Variants in APBA2 observed in about 807,000 individuals in gnomAD.
APBA2 encodes the protein amyloid-beta A4 precursor protein-binding family A member 2.
APBA2 carries 30 observed loss-of-function variants against 75.0 expected under a neutral mutation model. The observed-to-expected ratio is 0.40, with a 90% CI of 0.30 to 0.54. The LOEUF (loss-of-function observed/expected upper bound fraction) is 0.54, where lower values mean the gene tolerates loss of function less well. Among genes scored for constraint, APBA2 ranks in the 20% least tolerant of loss-of-function variants. The probability of loss-of-function intolerance (pLI) is 0.49; values close to 1 mark genes in which losing one functional copy is unlikely to be tolerated. For synonymous variants in APBA2, 444 were observed against 409.6 expected, an observed-to-expected ratio of 1.08 and a Z score of -1.01; for missense variants, 801 against 1,016.1, an observed-to-expected ratio of 0.79 and a Z score of 2.88.
intron 2 of APBA2, among the ~76,000 whole-genome samples, chr15:28,953,869 C>G (rs1359319745): frequency 6.6e-6 from 1 of 152,200 alleles, no homozygotes; most frequent in Non-Finnish European, 1.5e-5. Context: ...TGACCTCATT[C>G]CGACTTGTGG....
chr15:28,939,362 G>A (rs779195110), intron 2 of APBA2, among the ~76,000 whole-genome samples: 11 of 152,044 alleles, frequency 7.2e-5, no homozygotes, highest in South Asian at 2.1e-4. Context: ...CAGTTCTTTT[G>A]GGATATACCC....
At chr15:29,089,480 ACCT>A (rs1298433186) in intron 6 of APBA2, among the ~76,000 whole-genome samples, 1 of 151,986 alleles carries the variant, frequency 6.6e-6, no homozygotes, top group Admixed American at 6.6e-5. Context: ...CCACCCAGCC[ACCT>A]CCTCCCAGAC....
rs1012950085 is a variant in APBA2, at chr15:29,037,020, C to CA, written c.-40-16814dup. On this transcript the variant is annotated intron_variant, in intron 3 of 14. Coordinates refer to ENST00000683413, the MANE Select transcript of APBA2 (RefSeq NM_001353788.2). ...GGATAACAGAGAGAGACCCTGTCTC[C>CA]AAAAAAAAAAAGAGAAAGTTTTGCA... 4.0e-3 allele frequency among the ~76,000 whole-genome samples: 512 copies of CA among 128,488 alleles called. 1 individual carries two copies. The highest frequency in any genetic ancestry group is 9.0e-3 in the African/African-American group (330 of 36,474). 84.3% of individuals were successfully genotyped at this position (128,488 alleles called of 152,430 possible).
rs1186106839 is a variant in APBA2 at position 29,113,738 on chromosome 15, CTG to C, written c.2038-135_2038-134del. 7 of 1,073,960 alleles carry C rather than the reference CTG, an allele frequency of 6.5e-6. No individual in the cohort carries two copies. In the African/African-American group the frequency reaches 1.1e-4, roughly 17 times the overall value. The allele number at this position is 1,073,960 out of a possible 1,614,324, so 66.5% of individuals were successfully genotyped here. A position where few individuals can be genotyped will look rare whatever the true frequency, so the allele number is the denominator to read the frequency against. Reference sequence around the variant, plus strand: ...TACTGCATATCATAAGGATCTCTGTCTGTGAGTCAGCGAATTGCACGTGCACG... The same window carrying C: ...TACTGCATATCATAAGGATCTCTGTCTGAGTCAGCGAATTGCACGTGCACG... On this transcript the variant is annotated intron_variant, in intron 13 of 14. Coordinates refer to ENST00000683413, the MANE Select transcript of APBA2 (RefSeq NM_001353788.2).
At chr15:29,001,967 G>A (rs931144473) in intron 3 of APBA2, among the ~76,000 whole-genome samples, 16 of 152,156 alleles carry the variant, frequency 1.1e-4, no homozygotes, top group African/African-American at 3.9e-4. Context: ...AATGACATTA[G>A]TGTGCAAGCT....
At chr15:29,074,793 A>G in intron 4 of APBA2, 128 bp from the exon 5 acceptor site, 1 of 753,490 alleles carries the variant, frequency 1.3e-6, no homozygotes, top group East Asian at 2.7e-5. Context: ...AGACGTCTGC[A>G]CACACACCTA....
In APBA2 at chr15:29,105,517, G is replaced by C. The variant is rs755334764; in HGVS notation, c.1663G>C (p.Asp555His). The C allele has an allele frequency of 6.2e-7, 1 of 1,613,742 alleles. No homozygotes were observed. The highest frequency in any genetic ancestry group is 8.5e-7 in the Non-Finnish European group (1 of 1,180,020). Residue 555 changes from aspartate (D) to histidine (H), a missense_variant, in exon 11 of 15, where the codon GAC becomes CAC. Physicochemically the swap from Asp to His is moderately conservative, Grantham distance 81. This residue lies in a region of APBA2 where 367 missense variants were observed against 544.5 expected (regional missense o/e 0.67). Transcript: ENST00000683413. ...CATCAACACCCAGGAGATGTACAAC[G>C]ACGACCTCATCCACTTCTCAAACTC... Reference protein sequence around the residue: ...DIINTQEMYNDDLIHFSNSEN... With the variant: ...DIINTQEMYNHDLIHFSNSEN...
At chr15:29,085,646 T>C (rs2043260471) in intron 6 of APBA2, among the ~76,000 whole-genome samples, 1 of 152,176 alleles carries the variant, frequency 6.6e-6, no homozygotes, top group Admixed American at 6.5e-5. Context: ...CCATGATTAT[T>C]GGTGCTCAAG....
rs146133169 is a variant in APBA2 at position 28,931,216 on chromosome 15, C to T, written c.-95+9467C>T. ...AGCATCTGTTGATGTGGGATGCAGG[C>T]GTGCTTGTCACCTCTCCTGGCCCTC... On this transcript the variant is annotated intron_variant, in intron 2 of 14. Transcript: ENST00000683413. Among the ~76,000 whole-genome samples the T allele has an allele frequency of 2.2e-3, 329 of 152,302 alleles. 9 individuals carry two copies. The East Asian group carries it at 0.049, about 23-fold the overall frequency.
chr15:28,931,277 C>T (rs552034472), intron 2 of APBA2, among the ~76,000 whole-genome samples: 14 of 152,310 alleles, frequency 9.2e-5, no homozygotes, highest in African/African-American at 3.1e-4. Context: ...CATCTCATCC[C>T]GCTGCTGGTG....
rs1278672540 is a variant in APBA2, at chr15:28,886,142, A to G, written c.-341A>G. 1.3e-5 allele frequency: 2 copies of G among 150,388 alleles called. No homozygotes were observed. The highest frequency in any genetic ancestry group is 1.5e-5 in the Non-Finnish European group (1 of 67,470). 9.3% of individuals were successfully genotyped at this position (150,388 alleles called of 1,614,324 possible). ...CGCGCCCGCCGCTATTCGGGAAGCTATTCAGCTTCCCGGGCTCATTAGCAG... is the reference window on the plus strand; with the variant it reads ...CGCGCCCGCCGCTATTCGGGAAGCTGTTCAGCTTCCCGGGCTCATTAGCAG... On this transcript the variant is annotated 5_prime_UTR_variant, in exon 1 of 15. Coordinates refer to ENST00000683413, the MANE Select transcript of APBA2 (RefSeq NM_001353788.2).
At chr15:29,010,920 T>C (rs1210097216) in intron 3 of APBA2, among the ~76,000 whole-genome samples, 1 of 152,192 alleles carries the variant, frequency 6.6e-6, no homozygotes, top group East Asian at 1.9e-4. Context: ...TTCGGTAGTG[T>C]TAAGTAAATT....
chr15:29,038,274 C>T (rs2040846561), intron 3 of APBA2, among the ~76,000 whole-genome samples: 3 of 152,218 alleles, frequency 2.0e-5, no homozygotes, highest in South Asian at 4.1e-4. Context: ...CGTCCCTCCA[C>T]AGCACCTGGG....
At chr15:29,024,263 G>A (rs8031475) in intron 3 of APBA2, among the ~76,000 whole-genome samples, 54,785 of 152,094 alleles carry the variant, frequency 0.36, 15,985 homozygotes, top group African/African-American at 0.78. Context: ...AGTTCAGCGT[G>A]CACTTTAAAA....
intron 3 of APBA2, among the ~76,000 whole-genome samples, chr15:29,043,540 C>T (rs901596728): frequency 5.3e-5 from 8 of 152,230 alleles, no homozygotes; most frequent in Non-Finnish European, 1.2e-4. Context: ...TCCCATCACT[C>T]GAAGGCAGCC....
intron 1 of APBA2, among the ~76,000 whole-genome samples, chr15:28,906,962 C>T (rs1431837679): frequency 2.0e-5 from 3 of 152,144 alleles, no homozygotes; most frequent in African/African-American, 7.2e-5. Context: ...TATTTAAAGA[C>T]ATATTTGGCA....
chr15:29,003,923 G>A (rs1277075299), intron 3 of APBA2, among the ~76,000 whole-genome samples: 1 of 152,204 alleles, frequency 6.6e-6, no homozygotes, highest in Non-Finnish European at 1.5e-5. Context: ...TCACAGCAAC[G>A]TCTGGAAGAG....
At chr15:29,080,979 G>A (rs2043059336) in intron 6 of APBA2, among the ~76,000 whole-genome samples, 1 of 152,142 alleles carries the variant, frequency 6.6e-6, no homozygotes, top group Non-Finnish European at 1.5e-5. Flanking sequence ...AGGGTCCTGG[G>A]GTCCTTTACA....
chr15:29,103,446 G>T (rs1208946847), intron 10 of APBA2, among the ~76,000 whole-genome samples: 1 of 152,232 alleles, frequency 6.6e-6, no homozygotes, highest in Non-Finnish European at 1.5e-5. Context: ...CTGCGAGTTG[G>T]GGCCGGCAGG....
Sources: allele counts gnomAD v4.1 joint callset (sites outside exome capture counted in the v4.1 genomes callset), GRCh38; gene constraint gnomAD v4.1.1; regional missense constraint gnomAD v4.1.1; transcripts MANE v1.5; gene names NCBI Gene and HGNC (gene_info 2026-07-23, HGNC 2026-07-21).